Variants in WDR36 observed in about 807,000 individuals in gnomAD.
WDR36 encodes the protein WD repeat domain 36.
A neutral mutation model predicts 112.7 loss-of-function variants in WDR36; 63 were observed. The ratio of observed to expected loss-of-function variants is 0.56; its 90% CI spans 0.46 to 0.69. WDR36 has a LOEUF of 0.69. Among genes scored for constraint, WDR36 ranks in the 30% least tolerant of loss-of-function variants. WDR36 has a pLI of 0.00. For missense variants in WDR36, 1,226 were observed against 1,070.3 expected, an observed-to-expected ratio of 1.15 and a Z score of -2.03; for synonymous variants, 410 against 362.2, an observed-to-expected ratio of 1.13 and a Z score of -1.50.
chr5:111,127,398 T>C lies in WDR36; in HGVS notation c.*515T>C, dbSNP rs1449560674. The C allele has an allele frequency of 5.0e-6, 1 of 200,296 alleles. No homozygotes were observed. The highest frequency in any genetic ancestry group is 1.0e-5 in the Non-Finnish European group (1 of 97,102). The allele number at this position is 200,296 out of a possible 1,614,324, so 12.4% of individuals were successfully genotyped here. ...AATTGAAAATGTCAGATAAAACTGA[T>C]ACATGATGTAGTTATAAAAATGCTG... On this transcript the variant is annotated 3_prime_UTR_variant, in exon 23 of 23. Coordinates refer to ENST00000513710, the MANE Select transcript of WDR36 (RefSeq NM_139281.3).
chr5:111,100,021 C>A lies in WDR36; in HGVS notation c.410-568C>A, dbSNP rs976138937. Among the ~76,000 whole-genome samples the A allele has an allele frequency of 8.0e-4, 121 of 151,922 alleles. 1 individual carries two copies. The highest frequency in any genetic ancestry group is 2.9e-3 in the African/African-American group (121 of 41,482). On this transcript the variant is annotated intron_variant, in intron 4 of 22. Coordinates refer to ENST00000513710, the MANE Select transcript of WDR36 (RefSeq NM_139281.3). ...AATTTTTTTATCTTGGAGCAAGTGA[C>A]CACTGGTGATGCCACCCCCCACTCC...
intron 5 of WDR36, among the ~76,000 whole-genome samples, chr5:111,102,050 T>C (rs1753131036): frequency 6.6e-6 from 1 of 151,494 alleles, no homozygotes; most frequent in Non-Finnish European, 1.5e-5. Flanking sequence ...CAGTCCTAAA[T>C]TTTTTTTACT....
chr5:111,110,290 T>A lies in WDR36; in HGVS notation c.1428T>A (p.Phe476Leu). Residue 476 changes from phenylalanine (F) to leucine (L), a missense_variant, in exon 13 of 23, where the codon TTT (phenylalanine) becomes TTA (leucine). Coordinates refer to ENST00000513710, the MANE Select transcript of WDR36 (RefSeq NM_139281.3). The stretch of plus-strand genomic sequence containing the variant: ...AGTCTGGCATACATCGAGGAAGTTT[T>A]GGCAAGGATCAAGGTAGAGAATTTT... ...NMQSGIHRGS[F>L]GKDQAHKGSV... 2 of 1,610,604 alleles carry A rather than the reference T, an allele frequency of 1.2e-6. No homozygotes were observed. Among genetic ancestry groups the A allele is most frequent in the Non-Finnish European group, 8.5e-7 (1 of 1,177,348 alleles).
At chr5:111,105,236 T>C in intron 9 of WDR36, 59 bp from the exon 10 acceptor site, 2 of 1,522,540 alleles carry the variant, frequency 1.3e-6, no homozygotes, top group Non-Finnish European at 1.8e-6. Context: ...AAATTTGTGA[T>C]TCACATAGTC....
chr5:111,113,072 A>C lies in WDR36; in HGVS notation c.1717-2A>C. On this transcript the variant is annotated splice_acceptor_variant, in intron 15 of 22. Transcript: ENST00000513710. LOFTEE classifies it high-confidence loss of function. ...TATATATTTTTTTTTTTTAATTTAA[A>C]GGCTTTTAGTCCTGATGGTCGTTGG... 1 of 1,272,942 alleles carries C rather than the reference A, an allele frequency of 7.9e-7. No individual in the cohort carries two copies. The highest frequency in any genetic ancestry group is 1.0e-6 in the Non-Finnish European group (1 of 982,906). 78.9% of individuals were successfully genotyped at this position (1,272,942 alleles called of 1,614,324 possible). A position where few individuals can be genotyped will look rare whatever the true frequency, so the allele number is the denominator to read the frequency against.
At chr5:111,095,092 C>T (rs1395296220) in intron 2 of WDR36, 145 bp downstream of exon 2, 1 of 727,786 alleles carries the variant, frequency 1.4e-6, no homozygotes, top group Non-Finnish European at 2.3e-6. Flanking sequence ...AAAAAGGGTG[C>T]CAGGATAAAT....
intron 3 of WDR36, 113 bp downstream of exon 3, chr5:111,097,292 CT>C: frequency 2.6e-6 from 2 of 768,504 alleles, no homozygotes; most frequent in South Asian, 1.5e-5. Flanking sequence ...ATACAGTATT[CT>C]TTTTTTTCTA....
chr5:111,104,482 T>C, intron 8 of WDR36, 130 bp downstream of exon 8: 3 of 1,445,070 alleles, frequency 2.1e-6, no homozygotes, highest in South Asian at 2.3e-5. Context: ...TTGGTATAGA[T>C]GAAACAAAAA....
chr5:111,093,053 A>G (rs1334004672), intron 1 of WDR36, among the ~76,000 whole-genome samples: 1 of 152,256 alleles, frequency 6.6e-6, no homozygotes, highest in Non-Finnish European at 1.5e-5. Context: ...GGAGATGGTG[A>G]GATTAATTAC....
rs1291948645 is a variant in WDR36 at position 111,110,952 on chromosome 5, A to G, written c.1606A>G (p.Ser536Gly). The stretch of plus-strand genomic sequence containing the variant: ...AAATATCATGTTGCTACATAGGGAC[A>G]GGTAAACTTTTAATGATAATGGATT... ...SPNIMLLHRD[S>G]GILGLALDDF... The change falls in exon 14 of 23, where the codon AGT (serine) becomes GGT (glycine). Residue 536 changes from serine (S) to glycine (G), a missense_variant and splice_region_variant. By Grantham distance (56) the Ser-to-Gly change is moderately conservative. Coordinates refer to ENST00000513710, the MANE Select transcript of WDR36 (RefSeq NM_139281.3). 6.2e-7 allele frequency: 1 copy of G among 1,610,986 alleles called. No homozygotes were observed. The highest frequency in any genetic ancestry group is 1.1e-5 in the South Asian group (1 of 91,012).
chr5:111,111,954 T>C (rs1383919802), intron 15 of WDR36, among the ~76,000 whole-genome samples: 2 of 151,870 alleles, frequency 1.3e-5, no homozygotes, highest in Non-Finnish European at 2.9e-5. Context: ...ATCTTAATAC[T>C]TAGTGACGAA....
At chr5:111,107,592 T>A (rs1442729548) in intron 12 of WDR36, among the ~76,000 whole-genome samples, 153 bp downstream of exon 12, 1 of 151,434 alleles carries the variant, frequency 6.6e-6, no homozygotes, top group African/African-American at 2.4e-5. Flanking sequence ...AATTTGCTCC[T>A]GTGACTTCTA....
At chr5:111,096,611 G>A (rs935948986) in intron 2 of WDR36, among the ~76,000 whole-genome samples, 3 of 152,084 alleles carry the variant, frequency 2.0e-5, no homozygotes, top group Non-Finnish European at 4.4e-5. Flanking sequence ...GGCTGAGGCA[G>A]GAGAATCAGT....
rs1409176604 is a variant in WDR36 at position 111,125,791 on chromosome 5, T to G, written c.2534T>G (p.Leu845Arg). ...ELAQAYLALF[L>R]KLHLKMLPSE... is the part of the protein sequence containing the mutation. ...GCCCAGGCATACCTTGCATTGTTTC[T>G]AAAGGTAAGTCTAATGTAAGACAGT... The change falls in exon 22 of 23, where the codon CTA (leucine) becomes CGA (arginine). Residue 845 changes from leucine (L) to arginine (R), a missense_variant. By Grantham distance (102) the Leu-to-Arg change is moderately radical. Transcript: ENST00000513710. The G allele has an allele frequency of 6.2e-7, 1 of 1,613,612 alleles. No individual in the cohort carries two copies. The highest frequency in any genetic ancestry group is 1.3e-5 in the African/African-American group (1 of 74,898).
chr5:111,101,903 GTTAT>G (rs991055229), intron 5 of WDR36, among the ~76,000 whole-genome samples: 7 of 151,682 alleles, frequency 4.6e-5, no homozygotes, highest in African/African-American at 1.2e-4. Context: ...CCATGGATGT[GTTAT>G]TTATCATTCA....
In WDR36 at chr5:111,125,813, C is replaced by T. The variant is rs746878384; in HGVS notation, c.2538+18C>T. 6.2e-7 allele frequency: 1 copy of T among 1,613,128 alleles called. No homozygotes were observed. The highest frequency in any genetic ancestry group is 8.5e-7 in the Non-Finnish European group (1 of 1,179,376). ...TTCTAAAGGTAAGTCTAATGTAAGACAGTACTGCCCAGCTTGTCTTCTTCT... is the reference window on the plus strand; with the variant it reads ...TTCTAAAGGTAAGTCTAATGTAAGATAGTACTGCCCAGCTTGTCTTCTTCT... On this transcript the variant is annotated intron_variant, in intron 22 of 22. Transcript: ENST00000513710.
chr5:111,124,755 G>A (rs79666440), intron 21 of WDR36, among the ~76,000 whole-genome samples: 2,615 of 152,136 alleles, frequency 0.017, 79 homozygotes, highest in African/African-American at 0.06. Context: ...ATTTTAACTT[G>A]TCCTCTTGTT....
chr5:111,126,543 G>A (rs546281875), intron 22 of WDR36, among the ~76,000 whole-genome samples, 191 bp from the exon 23 acceptor site: 3 of 152,192 alleles, frequency 2.0e-5, no homozygotes, highest in South Asian at 2.1e-4. Context: ...GGAAGTCACA[G>A]TATCATAAAG....
chr5:111,100,206 C>T (rs529836501), intron 4 of WDR36, among the ~76,000 whole-genome samples: 1 of 151,992 alleles, frequency 6.6e-6, no homozygotes, highest in Admixed American at 6.6e-5. Flanking sequence ...CCTGAAAGAG[C>T]TAAGTATAAG....
Sources: gnomAD v4.1 joint callset for allele counts (sites outside exome capture counted in the v4.1 genomes callset) on GRCh38, gnomAD v4.1.1 for gene constraint, MANE v1.5 for transcripts, NCBI Gene and HGNC (gene_info 2026-07-23, HGNC 2026-07-21) for gene names.